DMD: variants seen among roughly 807,000 people sequenced by gnomAD.
DMD encodes the protein mutant dystrophin.
Under a neutral mutation model 330.1 loss-of-function variants are expected in DMD, and 63 were observed. The observed-to-expected ratio is 0.19, with a 90% CI of 0.16 to 0.24. The LOEUF (loss-of-function observed/expected upper bound fraction) is 0.24, where lower values mean the gene tolerates loss of function less well. Ranked by LOEUF, DMD falls within the 10% of genes least tolerant of loss-of-function variation. The pLI is 1.00. For synonymous variants in DMD, 1,223 were observed against 959.8 expected (o/e 1.27, Z -5.07); for missense variants, 3,344 against 2,684.1 (o/e 1.25, Z -5.43).
At chrX:32,879,018 C>A (rs199549795) in intron 2 of DMD, among the ~76,000 whole-genome samples, 1,041 of 93,602 alleles carry the variant, frequency 0.011, 19 homozygotes, top group Non-Finnish European at 0.015. Context: ...AAAAAAAAAA[C>A]AAAAAACAAA....
At chrX:32,615,025 A>C (rs762160641) in intron 11 of DMD, among the ~76,000 whole-genome samples, 30 of 111,295 alleles carry the variant, frequency 2.7e-4, no homozygotes, top group Non-Finnish European at 5.5e-4. Flanking sequence ...CTACCGAATC[A>C]TTAGAGACCA....
intron 55 of DMD, among the ~76,000 whole-genome samples, chrX:31,592,214 C>A (rs1421436755): frequency 1.8e-5 from 2 of 108,325 alleles, no homozygotes; most frequent in Admixed American, 2.0e-4. Flanking sequence ...TTCCAGGTTT[C>A]TCAATGAGAT....
At chrX:32,445,112 G>A (rs1032341537) in intron 27 of DMD, among the ~76,000 whole-genome samples, 6 of 111,705 alleles carry the variant, frequency 5.4e-5, no homozygotes, top group South Asian at 3.7e-4. Context: ...GTTGACAAGC[G>A]TCAGCTTGAA....
At chrX:32,398,323 C>T (rs1379940506) in intron 30 of DMD, among the ~76,000 whole-genome samples, 1 of 99,571 alleles carries the variant, frequency 1.0e-5, no homozygotes. Context: ...ATTTTGTCAG[C>T]TAAAGAAGTT....
At position 32,235,110 on chromosome X, in the gene DMD, A is replaced by G. The variant is rs185159863; in HGVS notation, c.6291-18047T>C. Reference sequence around the variant, plus strand: ...TGCACACATTATTTATATTATTATCACATTATAATATATAATGAAATAATT... The same window carrying G: ...TGCACACATTATTTATATTATTATCGCATTATAATATATAATGAAATAATT... On this transcript the variant is annotated intron_variant, in intron 43 of 78. Transcript: ENST00000357033. Among the ~76,000 whole-genome samples the G allele has an allele frequency of 6.7e-3, 746 of 111,350 alleles. 11 individuals carry two copies. The highest frequency in any genetic ancestry group is 0.024 in the African/African-American group (730 of 30,583).
intron 63 of DMD, among the ~76,000 whole-genome samples, chrX:31,243,183 G>C (rs2048521807): frequency 8.9e-6 from 1 of 112,148 alleles, no homozygotes; most frequent in African/African-American, 3.2e-5. Context: ...GTATACATGA[G>C]TCTTCCTCAC....
intron 7 of DMD, among the ~76,000 whole-genome samples, chrX:32,703,339 A>G (rs73456983): frequency 0.14 from 15,532 of 110,983 alleles, 2,591 homozygotes; most frequent in African/African-American, 0.47. Context: ...CCTTAATACC[A>G]TTACTATGTT....
intron 1 of DMD, among the ~76,000 whole-genome samples, chrX:33,163,189 A>T (rs1657902901): frequency 9.0e-6 from 1 of 111,689 alleles, no homozygotes; most frequent in South Asian, 3.7e-4. Context: ...AAATGATGGA[A>T]TCAAATCCTC....
At chrX:32,017,070 T>A (rs2095767190) in intron 44 of DMD, among the ~76,000 whole-genome samples, 1 of 112,195 alleles carries the variant, frequency 8.9e-6, no homozygotes, top group Non-Finnish European at 1.9e-5. Context: ...TTAGTATTTC[T>A]TTTGGAAACG....
rs147079729 is a variant in DMD at position 32,437,671 on chromosome X, A to G, written c.4071+570T>C. On this transcript the variant is annotated intron_variant, in intron 29 of 78. Transcript: ENST00000357033. ...AGTGAATATAAAACTAAACATCATT[A>G]TAAAATGGGTTTTCTTCTTGACAAA... Among the ~76,000 whole-genome samples the G allele has an allele frequency of 9.6e-3, 1,078 of 112,393 alleles. 17 individuals are homozygous for G. Among genetic ancestry groups the G allele is most frequent in the African/African-American group, 0.031 (965 of 30,965 alleles).
rs145986313 is a variant in DMD, at chrX:32,438,988, G to A, written c.3922-598C>T. ...AAAGATCATTTTGTGAGCTTAAACCGTTGTCTGATTCTCTGTTACGTACAT... is the reference window on the plus strand; with the variant it reads ...AAAGATCATTTTGTGAGCTTAAACCATTGTCTGATTCTCTGTTACGTACAT... On this transcript the variant is annotated intron_variant, in intron 28 of 78. Transcript: ENST00000357033. 4.7e-3 allele frequency among the ~76,000 whole-genome samples: 527 copies of A among 111,041 alleles called. 3 individuals are homozygous for A. The highest frequency in any genetic ancestry group is 0.016 in the African/African-American group (486 of 30,567).
chrX:31,413,977 C>T (rs1324355716), intron 60 of DMD, among the ~76,000 whole-genome samples: 7 of 110,653 alleles, frequency 6.3e-5, no homozygotes, highest in East Asian at 2.8e-4. Context: ...TTTCCAAATA[C>T]GGTTTCTCCC....
At chrX:32,849,101 A>T (rs2080922727) in intron 3 of DMD, among the ~76,000 whole-genome samples, 1 of 111,676 alleles carries the variant, frequency 9.0e-6, no homozygotes, top group African/African-American at 3.3e-5. Flanking sequence ...ATGACTATAG[A>T]CTGGGGGCTT....
chrX:32,895,712 T>C (rs904091551), intron 2 of DMD, among the ~76,000 whole-genome samples: 21 of 111,161 alleles, frequency 1.9e-4, no homozygotes, highest in African/African-American at 6.9e-4. Context: ...CAAGAAGAAT[T>C]GGAGTGGAAG....
chrX:31,391,270 C>A (rs981440202), intron 60 of DMD, among the ~76,000 whole-genome samples: 5 of 110,702 alleles, frequency 4.5e-5, no homozygotes, highest in African/African-American at 1.6e-4. Flanking sequence ...CCGGCCTCAG[C>A]CTCTTAAGTA....
rs73617067 is a variant in DMD at position 31,277,082 on chromosome X, T to G, written c.9225-16066A>C. Among the ~76,000 whole-genome samples the G allele has an allele frequency of 4.6e-3, 516 of 112,022 alleles. 4 individuals are homozygous for G. Among genetic ancestry groups the G allele is most frequent in the African/African-American group, 0.016 (494 of 30,809 alleles). ...ATTGACAAATAAAAATTGTATATCT[T>G]TATCATGTATAACATGTTTTGAAAT... On this transcript the variant is annotated intron_variant, in intron 62 of 78. Coordinates refer to ENST00000357033, the MANE Select transcript of DMD (RefSeq NM_004006.3).
intron 64 of DMD, among the ~76,000 whole-genome samples, chrX:31,218,363 T>TGGGGCAGGGGCA (rs199744735): frequency 9.1e-6 from 1 of 109,897 alleles, no homozygotes; most frequent in African/African-American, 3.3e-5. Context: ...AGCTCTGGGA[T>TGGGGCAGGGGCA]GGGGCAGGGG....
At chrX:33,232,464 C>A (rs983778254) in intron 1 of DMD, among the ~76,000 whole-genome samples, 1 of 111,491 alleles carries the variant, frequency 9.0e-6, no homozygotes, top group Non-Finnish European at 1.9e-5. Context: ...TGGGAAAAAA[C>A]GGATTGGAGT....
At chrX:32,317,488 C>T (rs928398269) in intron 41 of DMD, among the ~76,000 whole-genome samples, 20 of 111,283 alleles carry the variant, frequency 1.8e-4, no homozygotes, top group Non-Finnish European at 3.4e-4. Context: ...ACATTCTTTT[C>T]ATTACATAAA....
Sources: gnomAD v4.1 joint callset for allele counts (sites outside exome capture counted in the v4.1 genomes callset) on GRCh38, gnomAD v4.1.1 for gene constraint, MANE v1.5 for transcripts, NCBI Gene and HGNC (gene_info 2026-07-23, HGNC 2026-07-21) for gene names.